The following PTPRD variants were observed in gnomAD, a reference collection of about 807,000 sequenced individuals.
PTPRD encodes receptor-type tyrosine-protein phosphatase delta.
PTPRD carries 34 observed loss-of-function variants against 214.5 expected under a neutral mutation model. That is an observed-to-expected ratio of 0.16 (90% CI 0.12 to 0.21). PTPRD has a LOEUF of 0.21. PTPRD is among the 10% of genes least tolerant of loss of function. The pLI, the probability that PTPRD is intolerant of heterozygous loss-of-function variation, is 1.00. For synonymous variants in PTPRD, 1,128 were observed against 845.7 expected, an observed-to-expected ratio of 1.33 and a Z score of -5.79; for missense variants, 2,545 against 2,398.7, an observed-to-expected ratio of 1.06 and a Z score of -1.27.
intron 3 of PTPRD, among the ~76,000 whole-genome samples, chr9:10,194,297 C>A (rs2099387051): frequency 7.0e-6 from 1 of 143,652 alleles, no homozygotes; most frequent in South Asian, 2.2e-4. Flanking sequence ...CTACCATTTG[C>A]TGAGCATCAT....
intron 3 of PTPRD, among the ~76,000 whole-genome samples, chr9:10,152,252 A>G (rs181717483): frequency 1.6e-4 from 24 of 152,064 alleles, no homozygotes; most frequent in Admixed American, 1.2e-3. Context: ...CATGGTTTCA[A>G]TCTGTATTTG....
intron 4 of PTPRD, among the ~76,000 whole-genome samples, chr9:9,955,763 T>C (rs1397754589): frequency 6.6e-6 from 1 of 152,108 alleles, no homozygotes; most frequent in Non-Finnish European, 1.5e-5. Context: ...GACCTCGTGA[T>C]AGCCCGCCTC....
chr9:9,935,487 G>A (rs928364429), intron 5 of PTPRD, among the ~76,000 whole-genome samples: 1 of 152,044 alleles, frequency 6.6e-6, no homozygotes, highest in Non-Finnish European at 1.5e-5. Flanking sequence ...TTGCTTCAAA[G>A]AGAATAAAAT....
At chr9:10,570,877 T>C (rs2067207516) in intron 2 of PTPRD, among the ~76,000 whole-genome samples, 2 of 150,576 alleles carry the variant, frequency 1.3e-5, no homozygotes, top group Admixed American at 1.3e-4. Flanking sequence ...ACAAGGTGAG[T>C]CTTCTTTTTT....
chr9:10,448,574 G>A (rs2098815489), intron 2 of PTPRD, among the ~76,000 whole-genome samples: 2 of 152,102 alleles, frequency 1.3e-5, no homozygotes, highest in African/African-American at 2.4e-5. Flanking sequence ...TACCTTACCG[G>A]TAGTGGTTTA....
At chr9:8,465,427 G>T in intron 32 of PTPRD, 39 bp downstream of exon 32, 1 of 1,565,990 alleles carries the variant, frequency 6.4e-7, no homozygotes. Flanking sequence ...AAATGTATAA[G>T]CGTACCATAG....
At chr9:9,429,487 T>C (rs1381497585) in intron 8 of PTPRD, among the ~76,000 whole-genome samples, 2 of 152,180 alleles carry the variant, frequency 1.3e-5, no homozygotes, top group Non-Finnish European at 2.9e-5. Flanking sequence ...GAGGAGCTGG[T>C]ACCATTACTT....
At chr9:10,570,672 T>C (rs1398943257) in intron 2 of PTPRD, among the ~76,000 whole-genome samples, 2 of 152,118 alleles carry the variant, frequency 1.3e-5, no homozygotes, top group Non-Finnish European at 2.9e-5. Flanking sequence ...GTCAGGACCA[T>C]CTACCCATTC....
intron 10 of PTPRD, among the ~76,000 whole-genome samples, chr9:9,094,339 A>G (rs1475895941): frequency 6.6e-6 from 1 of 152,212 alleles, no homozygotes; most frequent in Non-Finnish European, 1.5e-5. Flanking sequence ...CCACTCAGCC[A>G]TAAAAAGGAA....
At chr9:9,370,494 G>C (rs2059161113) in intron 9 of PTPRD, among the ~76,000 whole-genome samples, 1 of 151,416 alleles carries the variant, frequency 6.6e-6, no homozygotes, top group South Asian at 2.1e-4. Flanking sequence ...TTGCTTATCT[G>C]CTTAAGGAGA....
intron 10 of PTPRD, among the ~76,000 whole-genome samples, chr9:9,036,157 T>C (rs903205659): frequency 2.0e-5 from 3 of 151,890 alleles, no homozygotes; most frequent in African/African-American, 4.8e-5. Context: ...TCATAAATTC[T>C]TATTGGCCTC....
chr9:10,105,107 T>C (rs1256004293), intron 3 of PTPRD, among the ~76,000 whole-genome samples: 9 of 151,864 alleles, frequency 5.9e-5, no homozygotes, highest in Non-Finnish European at 7.4e-5. Context: ...TGAAATAGCA[T>C]TATTTACCTT....
chr9:10,483,352 T>C (rs747268641), intron 2 of PTPRD, among the ~76,000 whole-genome samples: 4 of 151,948 alleles, frequency 2.6e-5, no homozygotes, highest in Non-Finnish European at 5.9e-5. Context: ...TAGGAAACAC[T>C]ATTCTGGATA....
intron 9 of PTPRD, among the ~76,000 whole-genome samples, chr9:9,383,364 G>A (rs2062898132): frequency 6.6e-6 from 1 of 152,010 alleles, no homozygotes; most frequent in South Asian, 2.1e-4. Flanking sequence ...ACAGATGGCA[G>A]AAAGCATACT....
chr9:9,390,786 C>T (rs2065546352), intron 9 of PTPRD, among the ~76,000 whole-genome samples: 1 of 152,124 alleles, frequency 6.6e-6, no homozygotes. Context: ...TGCTGTGTGA[C>T]TTTGAAAGAG....
Position 9,545,301 on chromosome 9 carries a change from A to G in PTPRD, c.-237+29431T>C, listed in dbSNP as rs529333454. ...GCTAAAAATCCTCTGTGCTGTGCCTATTCATCCCTCCCTTTCTCTAACCCC... is the reference window on the plus strand; with the variant it reads ...GCTAAAAATCCTCTGTGCTGTGCCTGTTCATCCCTCCCTTTCTCTAACCCC... On this transcript the variant is annotated intron_variant, in intron 8 of 45. Transcript: ENST00000381196. Among the ~76,000 whole-genome samples the G allele has an allele frequency of 3.6e-4, 54 of 151,808 alleles. 1 individual carries two copies. The highest frequency in any genetic ancestry group is 2.8e-3 in the Admixed American group (42 of 15,214).
At position 10,214,830 on chromosome 9, in the gene PTPRD, T is replaced by A. The variant is rs529456907; in HGVS notation, c.-545+126133A>T. ...TAATATATTAAACTGAGTCTTTTACTCTTGGGACAAGACTGGTCTGGGTGC... is the reference window on the plus strand; with the variant it reads ...TAATATATTAAACTGAGTCTTTTACACTTGGGACAAGACTGGTCTGGGTGC... On this transcript the variant is annotated intron_variant, in intron 3 of 45. Transcript: ENST00000381196. 3.9e-5 allele frequency among the ~76,000 whole-genome samples: 6 copies of A among 152,226 alleles called. No homozygotes were observed. The South Asian group carries it at 1.2e-3, about 31-fold the overall frequency.
At chr9:10,293,883 G>T (rs954401699) in intron 3 of PTPRD, among the ~76,000 whole-genome samples, 1 of 151,896 alleles carries the variant, frequency 6.6e-6, no homozygotes, top group East Asian at 1.9e-4. Context: ...CTTAAGAACA[G>T]CAAGGAATAA....
At chr9:10,122,041 C>G (rs995464632) in intron 3 of PTPRD, among the ~76,000 whole-genome samples, 1 of 152,212 alleles carries the variant, frequency 6.6e-6, no homozygotes, top group Admixed American at 6.5e-5. Flanking sequence ...GGTGCGGTGG[C>G]TCACGCCTGT....
Sources: allele counts gnomAD v4.1 joint callset (sites outside exome capture counted in the v4.1 genomes callset), GRCh38; gene constraint gnomAD v4.1.1; transcripts MANE v1.5; gene names NCBI Gene and HGNC (gene_info 2026-07-23, HGNC 2026-07-21).